The following POLRMT variants were observed in gnomAD, a reference collection of about 807,000 sequenced individuals.
POLRMT encodes the protein DNA-directed RNA polymerase, mitochondrial.
POLRMT carries 114 observed loss-of-function variants against 132.2 expected under a neutral mutation model. The observed-to-expected ratio is 0.86, with a 90% CI of 0.74 to 1.01. The LOEUF is 1.01. POLRMT is among the 50% of genes least tolerant of loss of function. The pLI, the probability that POLRMT is intolerant of heterozygous loss-of-function variation, is 0.00. For missense variants in POLRMT, 2,003 were observed against 1,729.1 expected (o/e 1.16, Z -2.81); for synonymous variants, 1,020 against 773.4 (o/e 1.32, Z -5.29).
At chr19:625,092 T>G in intron 4 of POLRMT, 32 bp downstream of exon 4, 1 of 1,600,920 alleles carries the variant, frequency 6.2e-7, no homozygotes. Flanking sequence ...AGGGACATGG[T>G]GGGGGGTGGG....
At chr19:623,029 G>A (rs776290031) in intron 6 of POLRMT, 44 bp from the exon 7 acceptor site, 15 of 1,599,362 alleles carry the variant, frequency 9.4e-6, no homozygotes, top group East Asian at 2.2e-5. Context: ...GGCAGCTGGT[G>A]GGACCCAGGC....
intron 2 of POLRMT, among the ~76,000 whole-genome samples, chr19:631,671 G>A (rs183642883): frequency 5.9e-5 from 9 of 152,180 alleles, no homozygotes; most frequent in Non-Finnish European, 8.8e-5. Context: ...AAAAAGACAA[G>A]CGTGATGTCC....
chr19:633,022 G>A (rs998984773), intron 1 of POLRMT, 84 bp from the exon 2 acceptor site: 5 of 955,776 alleles, frequency 5.2e-6, no homozygotes, highest in South Asian at 1.8e-5. Flanking sequence ...GGGTCGAAGG[G>A]CAAAGGAGCC....
chr19:618,136 G>A (rs1487802323), intron 17 of POLRMT: 4 of 566,474 alleles, frequency 7.1e-6, no homozygotes, highest in South Asian at 2.1e-5. Context: ...CTCCTGCCAG[G>A]GCCACCACCC....
At chr19:622,447 C>G in intron 8 of POLRMT, 74 bp from the exon 9 acceptor site, 2 of 1,462,776 alleles carry the variant, frequency 1.4e-6, no homozygotes, top group South Asian at 2.8e-5. Context: ...GTGCCTGACG[C>G]CCGGTGGGGC....
At chr19:621,937 C>T in intron 9 of POLRMT, 91 bp from the exon 10 acceptor site, 7 of 1,447,554 alleles carry the variant, frequency 4.8e-6, no homozygotes, top group East Asian at 2.4e-5. Flanking sequence ...GCCGGCTCCC[C>T]GGCCAACAAG....
rs1438983391 is a variant in POLRMT, at chr19:629,907, T to C, written c.455A>G (p.Glu152Gly). Residue 152 changes from glutamate (E) to glycine (G), a missense_variant, in exon 3 of 21, where the codon GAG becomes GGG. Physicochemically the swap from Glu to Gly is moderately conservative, Grantham distance 98. Transcript: ENST00000588649. ...AKLQMPFQSG[E>G]FKALTRRLQV... The stretch of plus-strand genomic sequence containing the variant: ...CAGGCGCCTGGTCAGCGCCTTGAAC[T>C]CCCCGCTCTGGAATGGCATCTGCAG... 6.2e-7 allele frequency: 1 copy of C among 1,613,220 alleles called. No individual in the cohort carries two copies. Among genetic ancestry groups the C allele is most frequent in the East Asian group, 2.2e-5 (1 of 44,884 alleles).
chr19:625,943 C>T (rs531909090), intron 3 of POLRMT, among the ~76,000 whole-genome samples: 21 of 151,932 alleles, frequency 1.4e-4, no homozygotes, highest in African/African-American at 2.7e-4. Flanking sequence ...CATCGTGATC[C>T]GCCAGCCTCA....
At position 624,832 on chromosome 19, in the gene POLRMT, C is replaced by T. The variant is rs1423131181; in HGVS notation, c.1027G>A (p.Asp343Asn). The T allele has an allele frequency of 1.9e-6, 3 of 1,613,340 alleles. No homozygotes were observed. Among genetic ancestry groups the T allele is most frequent in the Non-Finnish European group, 2.5e-6 (3 of 1,180,012 alleles). Reference sequence around the variant, plus strand: ...ACGGCCTTCAGAACAGTGGCCCGATCCTCCTCAGACAGCAGAACGGCGGTG... The same window carrying T: ...ACGGCCTTCAGAACAGTGGCCCGATTCTCCTCAGACAGCAGAACGGCGGTG... ...LFTAVLLSEE[D>N]RATVLKAVHK... Residue 343 changes from aspartate (D) to asparagine (N), a missense_variant, in exon 5 of 21, where the codon GAT becomes AAT. Physicochemically the swap from Asp to Asn is conservative, Grantham distance 23. Transcript: ENST00000588649.
intron 5 of POLRMT, 104 bp from the exon 6 acceptor site, chr19:623,707 G>A: frequency 7.2e-7 from 1 of 1,384,384 alleles, no homozygotes; most frequent in Non-Finnish European, 9.9e-7. Flanking sequence ...TCTCCTGCAA[G>A]TTGCTGGTGG....
At chr19:618,928 A>G in intron 15 of POLRMT, 69 bp downstream of exon 15, 2 of 1,385,086 alleles carry the variant, frequency 1.4e-6, no homozygotes. Context: ...ACGCTGGGGC[A>G]CTGGTACACT....
At chr19:630,287 C>T (rs927580011) in intron 2 of POLRMT, 119 bp from the exon 3 acceptor site, 28 of 1,213,850 alleles carry the variant, frequency 2.3e-5, no homozygotes, top group Non-Finnish European at 3.2e-5. Flanking sequence ...GGACCCAAGG[C>T]GTGAATTCCT....
intron 2 of POLRMT, 98 bp downstream of exon 2, chr19:632,736 C>T (rs1240453359): frequency 2.8e-6 from 3 of 1,063,260 alleles, no homozygotes; most frequent in Non-Finnish European, 4.0e-6. Context: ...GAGGTGGAGA[C>T]CGCCCTCAGC....
intron 17 of POLRMT, 160 bp downstream of exon 17, chr19:618,328 G>A (rs994745830): frequency 1.6e-6 from 1 of 617,314 alleles, no homozygotes. Flanking sequence ...TACATTCGGG[G>A]CACACAGCCT....
In POLRMT at chr19:622,834, C is replaced by A. The variant is rs146178977; in HGVS notation, c.1442G>T (p.Arg481Leu). The change falls in exon 7 of 21, where the codon CGG becomes CTG. Residue 481 changes from arginine (R) to leucine (L), a missense_variant. By Grantham distance (102) the Arg-to-Leu change is moderately radical. Coordinates refer to ENST00000588649, the MANE Select transcript of POLRMT (RefSeq NM_005035.4). ...AGGAAGACGCACCTGCAGGAGCATCCGCACCACCTCGCGCTCGTCCAGCAG... is the reference window on the plus strand; with the variant it reads ...AGGAAGACGCACCTGCAGGAGCATCAGCACCACCTCGCGCTCGTCCAGCAG... ...LCLLDEREVV[R>L]MLLQVLQALP... is the part of the protein sequence containing the mutation. 1 of 1,596,922 alleles carries A rather than the reference C, an allele frequency of 6.3e-7. No homozygotes were observed. The highest frequency in any genetic ancestry group is 8.5e-7 in the Non-Finnish European group (1 of 1,172,728).
chr19:630,682 G>A (rs1336468157), intron 2 of POLRMT, among the ~76,000 whole-genome samples: 2 of 152,174 alleles, frequency 1.3e-5, no homozygotes, highest in East Asian at 3.9e-4. Context: ...GCCTCAGCAA[G>A]ACCCCCCCAG....
intron 2 of POLRMT, 33 bp from the exon 3 acceptor site, chr19:630,201 G>A: frequency 6.5e-7 from 1 of 1,540,954 alleles, no homozygotes. Context: ...ACATGAGAGG[G>A]ACCCCCTCCC....
At chr19:633,091 G>A (rs1489316607) in intron 1 of POLRMT, 153 bp from the exon 2 acceptor site, 3 of 645,840 alleles carry the variant, frequency 4.6e-6, no homozygotes, top group Non-Finnish European at 7.4e-6. Context: ...CTAAGACAGC[G>A]AAGGTGGAAG....
At chr19:632,794 G>GGACTC in intron 2 of POLRMT, 40 bp downstream of exon 2, 1 of 1,485,952 alleles carries the variant, frequency 6.7e-7, no homozygotes. Flanking sequence ...AGCAGGGAGC[G>GGACTC]GACTCTCCTC....
Sources: gnomAD v4.1 joint callset for allele counts (sites outside exome capture counted in the v4.1 genomes callset) on GRCh38, gnomAD v4.1.1 for gene constraint, MANE v1.5 for transcripts, NCBI Gene and HGNC (gene_info 2026-07-23, HGNC 2026-07-21) for gene names.